ZNF248: variants seen among roughly 807,000 people sequenced by gnomAD.
ZNF248 encodes KRAB protein domain.
In ZNF248, 20 loss-of-function variants were observed where a neutral mutation model predicts 44.3. The ratio of observed to expected loss-of-function variants is 0.45; its 90% CI spans 0.32 to 0.66. ZNF248 has a LOEUF of 0.66. ZNF248 is among the 30% of genes least tolerant of loss of function. ZNF248 has a pLI of 0.04. For missense variants in ZNF248, 654 were observed against 677.0 expected, an observed-to-expected ratio of 0.97 and a Z score of 0.38; for synonymous variants, 224 against 229.0, an observed-to-expected ratio of 0.98 and a Z score of 0.20.
At chr10:37,841,977 G>A (rs1350372687) in intron 3 of ZNF248, among the ~76,000 whole-genome samples, 2 of 152,170 alleles carry the variant, frequency 1.3e-5, no homozygotes. Flanking sequence ...TGACTAAGTA[G>A]AATGTGGGCA....
chr10:37,792,793 T>C (rs979020227), intron 6 of ZNF248, among the ~76,000 whole-genome samples: 2 of 152,186 alleles, frequency 1.3e-5, no homozygotes, highest in Non-Finnish European at 2.9e-5. Context: ...TGCCAGGGTC[T>C]TGAAAAAGAC....
chr10:37,823,745 TG>T (rs1339660103), intron 6 of ZNF248, among the ~76,000 whole-genome samples: 1 of 151,998 alleles, frequency 6.6e-6, no homozygotes. Flanking sequence ...GGCTAATTTT[TG>T]TATTTTTAGT....
the ZNF248 span, among the ~76,000 whole-genome samples, chr10:37,767,056 AGAAGG>A: frequency 1.1e-3 from 160 of 152,336 alleles, no homozygotes; most frequent in African/African-American, 3.6e-3. Context: ...AAATGAAGCA[AGAAGG>A]GAAGTTTAGA....
chr10:37,834,941 T>C (rs1430179865), intron 5 of ZNF248, among the ~76,000 whole-genome samples: 1 of 152,156 alleles, frequency 6.6e-6, no homozygotes, highest in Non-Finnish European at 1.5e-5. Context: ...GGCTACACTA[T>C]TATAGTCATT....
upstream of ZNF248, chr10:37,858,052 G>A (rs1250791931): frequency 6.6e-6 from 1 of 152,336 alleles, no homozygotes; most frequent in Non-Finnish European, 1.5e-5. Flanking sequence ...TTCCCACAAG[G>A]GACTGGAGTC....
In ZNF248 at chr10:37,830,205, A is replaced by G; in HGVS notation, c.*1410T>C. On this transcript the variant is annotated 3_prime_UTR_variant, in exon 6 of 6. Transcript: ENST00000395867. ...AGTGTTACTGCTTGTTAACCTTTGC[A>G]TAATTTATGTAAAAACCATTCTTAT... 2.0e-6 allele frequency: 2 copies of G among 985,378 alleles called. No homozygotes were observed. The highest frequency in any genetic ancestry group is 2.4e-6 in the Non-Finnish European group (2 of 829,922). The allele number at this position is 985,378 out of a possible 1,614,324, so 61.0% of individuals were successfully genotyped here.
Position 37,829,218 on chromosome 10 carries a change from C to T in ZNF248, c.*2397G>A. 1 of 985,486 alleles carries T rather than the reference C, an allele frequency of 1.0e-6. No homozygotes were observed. The highest frequency in any genetic ancestry group is 1.2e-6 in the Non-Finnish European group (1 of 829,972). 61.0% of individuals were successfully genotyped at this position (985,486 alleles called of 1,614,324 possible). ...CAAGGTGGCCCCTCCTTCATGACAG[C>T]AGTTCTTACTGGGCTCTGGTAACAC... is the stretch of plus-strand genomic sequence containing the variant. On this transcript the variant is annotated 3_prime_UTR_variant, in exon 6 of 6. Coordinates refer to ENST00000395867, the MANE Select transcript of ZNF248 (RefSeq NM_021045.3).
intron 3 of ZNF248, among the ~76,000 whole-genome samples, chr10:37,851,381 G>A (rs139392008): frequency 3.9e-5 from 6 of 152,092 alleles, no homozygotes; most frequent in Non-Finnish European, 5.9e-5. Context: ...AGCCTGTATC[G>A]GCCATTTATT....
chr10:37,811,681 A>T (rs76308307), intron 6 of ZNF248, among the ~76,000 whole-genome samples: 4,226 of 141,952 alleles, frequency 0.03, 82 homozygotes, highest in South Asian at 0.078. Flanking sequence ...CAAAAAAAAA[A>T]ATATATATAT....
At chr10:37,818,750 G>C in intron 6 of ZNF248, 1 of 665,402 alleles carries the variant, frequency 1.5e-6, no homozygotes, top group Non-Finnish European at 2.6e-6. Flanking sequence ...TCCTCCTTTT[G>C]GTAGGCCAAA....
the ZNF248 span, among the ~76,000 whole-genome samples, chr10:37,765,148 G>C: frequency 2.6e-5 from 4 of 152,010 alleles, no homozygotes; most frequent in African/African-American, 9.7e-5. Context: ...GTAGAGACAG[G>C]GTTTCTCCAT....
chr10:37,789,053 T>A (rs1302832068), intron 6 of ZNF248, among the ~76,000 whole-genome samples: 4 of 152,012 alleles, frequency 2.6e-5, no homozygotes, highest in African/African-American at 9.7e-5. Context: ...TACATTTTTG[T>A]TAGAGATGGG....
At chr10:37,818,275 G>A (rs925276339) in intron 6 of ZNF248, among the ~76,000 whole-genome samples, 14 of 152,086 alleles carry the variant, frequency 9.2e-5, no homozygotes, top group African/African-American at 2.9e-4. Flanking sequence ...AGGAACCCCC[G>A]TGAGTCTGCA....
At chr10:37,765,212 C>T in the ZNF248 span, among the ~76,000 whole-genome samples, 6 of 152,162 alleles carry the variant, frequency 3.9e-5, no homozygotes, top group African/African-American at 1.4e-4. Flanking sequence ...CCACCTCGGC[C>T]TCCCAAAGTG....
At chr10:37,819,024 G>C in intron 6 of ZNF248, 1 of 841,070 alleles carries the variant, frequency 1.2e-6, no homozygotes, top group Non-Finnish European at 2.1e-6. Context: ...TGTGATGTCA[G>C]CTCCATGCCA....
intron 3 of ZNF248, among the ~76,000 whole-genome samples, chr10:37,850,293 GA>G (rs1271128746): frequency 1.3e-5 from 2 of 152,098 alleles, no homozygotes; most frequent in East Asian, 3.9e-4. Context: ...ACTTGATTAA[GA>G]AAGATAAAAA....
At chr10:37,852,734 T>A (rs1450267893) in intron 3 of ZNF248, among the ~76,000 whole-genome samples, 1 of 149,584 alleles carries the variant, frequency 6.7e-6, no homozygotes, top group Non-Finnish European at 1.5e-5. Flanking sequence ...TTTATATATG[T>A]AATTATATAT....
intron 6 of ZNF248, among the ~76,000 whole-genome samples, chr10:37,811,718 C>A (rs189059733): frequency 1.3e-5 from 2 of 150,838 alleles, no homozygotes; most frequent in Non-Finnish European, 2.9e-5. Flanking sequence ...TGGTGGCATG[C>A]CCCTGTAGTC....
At chr10:37,824,000 A>G (rs200911), downstream of ZNF248, among the ~76,000 whole-genome samples, 6,614 of 152,252 alleles carry the variant, frequency 0.043, 205 homozygotes, top group Middle Eastern at 0.078. Context: ...TTCCAGAAAA[A>G]TTGAACCAAT....
Sources: gnomAD v4.1 joint callset for allele counts (sites outside exome capture counted in the v4.1 genomes callset) on GRCh38, gnomAD v4.1.1 for gene constraint, MANE v1.5 for transcripts, NCBI Gene and HGNC (gene_info 2026-07-23, HGNC 2026-07-21) for gene names.